The following HENMT1 variants were observed in gnomAD, a reference collection of about 807,000 sequenced individuals.
The protein encoded by HENMT1 is HEN methyltransferase 1, also known as small RNA 2'-O-methyltransferase.
Under a neutral mutation model 31.1 loss-of-function variants are expected in HENMT1, and 27 were observed. The observed-to-expected ratio is 0.87, with a 90% confidence interval of 0.64 to 1.20. The LOEUF (loss-of-function observed/expected upper bound fraction) is 1.20. Among genes scored for constraint, HENMT1 ranks in the 50% most tolerant of loss-of-function variants. HENMT1 has a pLI of 0.00. For synonymous variants in HENMT1, 167 were observed against 172.2 expected (o/e 0.97, Z 0.24); for missense variants, 438 against 469.6 (o/e 0.93, Z 0.62).
intron 5 of HENMT1, 42 bp downstream of exon 5, chr1:108,654,671 GCTT>G: frequency 6.3e-7 from 1 of 1,583,236 alleles, no homozygotes; most frequent in Non-Finnish European, 8.6e-7. Flanking sequence ...ACTTATTCAG[GCTT>G]TTCAAATGAA....
At chr1:108,658,777 A>C (rs1485956397) in intron 2 of HENMT1, among the ~76,000 whole-genome samples, 2 of 152,052 alleles carry the variant, frequency 1.3e-5, no homozygotes, top group African/African-American at 4.8e-5. Context: ...TTCTTATTGC[A>C]ACAGTCCTCA....
chr1:108,658,721 T>C (rs886593470), intron 2 of HENMT1, among the ~76,000 whole-genome samples: 3 of 152,230 alleles, frequency 2.0e-5, no homozygotes, highest in Admixed American at 6.5e-5. Context: ...CTTCTACCCC[T>C]GATATCTGAT....
rs1421734011 is a variant in HENMT1, at chr1:108,648,789, T to C, written c.959A>G (p.Glu320Gly). 1 of 1,614,170 alleles carries C rather than the reference T, an allele frequency of 6.2e-7. No individual in the cohort carries two copies. The highest frequency in any genetic ancestry group is 2.2e-5 in the East Asian group (1 of 44,888). The change falls in exon 8 of 8, where the codon GAG (glutamate) becomes GGG (glycine). Residue 320 changes from glutamate to glycine, a missense_variant. Physicochemically the swap from Glu to Gly is moderately conservative, Grantham distance 98 (BLOSUM62 -2). Coordinates refer to ENST00000651461, the MANE Select transcript of HENMT1 (RefSeq NM_001102592.2). Reference protein sequence around the residue: ...PVPCFGPVFTEVEKAKIENSP... With the variant: ...PVPCFGPVFTGVEKAKIENSP... ...GTTCTCTATCTTGGCCTTCTCAACC[T>C]CTGTGAAGACTGGTCCAAAGCATGG...
At chr1:108,650,880 ATCT>A (rs1658032455) in intron 6 of HENMT1, 147 bp downstream of exon 6, 1 of 637,684 alleles carries the variant, frequency 1.6e-6, no homozygotes, top group Non-Finnish European at 2.7e-6. Flanking sequence ...TTCCTTTGTG[ATCT>A]TATTACATAC....
intron 1 of HENMT1, among the ~76,000 whole-genome samples, chr1:108,660,209 G>C (rs1236608574): frequency 6.6e-6 from 1 of 150,880 alleles, no homozygotes; most frequent in Non-Finnish European, 1.5e-5. Context: ...GCCAATCTGT[G>C]GATTAAATGT....
At chr1:108,655,992 G>A (rs1361167599) in intron 3 of HENMT1, among the ~76,000 whole-genome samples, 1 of 151,712 alleles carries the variant, frequency 6.6e-6, no homozygotes, top group Non-Finnish European at 1.5e-5. Context: ...TGTCTATATT[G>A]AACTAATGAG....
At chr1:108,649,935 T>G (rs1657999048) in intron 7 of HENMT1, 3 of 492,520 alleles carry the variant, frequency 6.1e-6, no homozygotes, top group Non-Finnish European at 7.6e-6. Context: ...ATCACAGGTG[T>G]GAGCCACTGT....
chr1:108,656,671 G>T (rs918964136), intron 3 of HENMT1, among the ~76,000 whole-genome samples: 1 of 152,078 alleles, frequency 6.6e-6, no homozygotes, highest in African/African-American at 2.4e-5. Context: ...TAGACACAGG[G>T]TCTCACTATG....
chr1:108,655,725 A>G lies in HENMT1; in HGVS notation c.151-27T>C, dbSNP rs756574562. ...TGTAGATGAGACAGAATGTTATTTC[A>G]AAGACATTTATAGCAAGAGAAGTAT... On this transcript the variant is annotated intron_variant, in intron 3 of 7. Transcript: ENST00000651461. The G allele has an allele frequency of 4.7e-6, 7 of 1,489,756 alleles. No homozygotes were observed. The Admixed American group carries it at 9.1e-5, about 19-fold the overall frequency. 92.3% of individuals were successfully genotyped at this position (1,489,756 alleles called of 1,614,324 possible).
chr1:108,655,549 A>G, intron 4 of HENMT1, 37 bp downstream of exon 4: 2 of 1,203,112 alleles, frequency 1.7e-6, no homozygotes, highest in Non-Finnish European at 2.4e-6. Flanking sequence ...CATTAGTTTT[A>G]GATTAACGCA....
chr1:108,661,147 GC>G, upstream of HENMT1: 1 of 287,450 alleles, frequency 3.5e-6, no homozygotes, highest in Non-Finnish European at 5.2e-6. Context: ...GCCGGCGCCC[GC>G]ACCCGCGCCT....
chr1:108,657,580 C>T lies in HENMT1; in HGVS notation c.22-1G>A. On this transcript the variant is annotated splice_acceptor_variant, in intron 2 of 7. Coordinates refer to ENST00000651461, the MANE Select transcript of HENMT1 (RefSeq NM_001102592.2). LOFTEE classifies it high-confidence loss of function. ...AATTACCGTCAACCACACTACTGCA[C>T]TGAAGTTCACAAACAAAAAAAGACA... 6.2e-7 allele frequency: 1 copy of T among 1,610,390 alleles called. No individual in the cohort carries two copies. The highest frequency in any genetic ancestry group is 1.7e-4 in the Middle Eastern group (1 of 6,050).
intron 2 of HENMT1, among the ~76,000 whole-genome samples, chr1:108,658,070 TACAC>T (rs139208659): frequency 0.085 from 11,962 of 140,062 alleles, 658 homozygotes; most frequent in East Asian, 0.15. Context: ...CATATATATG[TACAC>T]ACACACACAC....
At chr1:108,657,998 CACACACACACATATATGTACACACACTT>C (rs1478713486) in intron 2 of HENMT1, among the ~76,000 whole-genome samples, 2 of 150,766 alleles carry the variant, frequency 1.3e-5, no homozygotes, top group Admixed American at 6.6e-5. Context: ...TATATACACA[CACACACACACATATATGTACACACACTT>C]ACACACACAC....
At chr1:108,650,016 A>G in intron 7 of HENMT1, 195 bp downstream of exon 7, 2 of 684,194 alleles carry the variant, frequency 2.9e-6, no homozygotes, top group Non-Finnish European at 5.4e-6. Flanking sequence ...TGAAACACCA[A>G]AAGGCCAGGC....
chr1:108,654,922 G>A, intron 4 of HENMT1, 72 bp from the exon 5 acceptor site: 1 of 1,435,490 alleles, frequency 7.0e-7, no homozygotes, highest in Non-Finnish European at 9.7e-7. Flanking sequence ...ACAGAACTCA[G>A]ATCCTCTGAT....
intron 7 of HENMT1, chr1:108,649,874 G>A (rs976941945): frequency 1.1e-5 from 4 of 376,796 alleles, no homozygotes; most frequent in African/African-American, 2.1e-5. Context: ...GGCTGCACTC[G>A]AACTCCTGGG....
chr1:108,658,133 ATT>A (rs796291842), intron 2 of HENMT1, among the ~76,000 whole-genome samples: 57 of 134,242 alleles, frequency 4.2e-4, no homozygotes, highest in African/African-American at 1.2e-3. Flanking sequence ...ATATATATAT[ATT>A]TTTTTTTTCC....
At position 108,651,084 on chromosome 1, in the gene HENMT1, G is replaced by A. The variant is rs1658039077; in HGVS notation, c.524C>T (p.Thr175Ile). 6.2e-7 allele frequency: 1 copy of A among 1,613,834 alleles called. No individual in the cohort carries two copies. Among genetic ancestry groups the A allele is most frequent in the Non-Finnish European group, 8.5e-7 (1 of 1,179,782 alleles). The change falls in exon 6 of 8, where the codon ACC becomes ATC. Residue 175 changes from threonine to isoleucine, a missense_variant. Physicochemically the swap from Thr to Ile is moderately conservative, Grantham distance 89. Transcript: ENST00000651461. ...AAATTTATGATCTGAATCTCTTAAGGTCACTGATGGAAACAGGGGATTGAA... is the reference window on the plus strand; with the variant it reads ...AAATTTATGATCTGAATCTCTTAAGATCACTGATGGAAACAGGGGATTGAA... ...SEFNPLFPSV[T>I]LRDSDHKFEW...
Sources: allele counts gnomAD v4.1 joint callset (sites outside exome capture counted in the v4.1 genomes callset), GRCh38; gene constraint gnomAD v4.1.1; transcripts MANE v1.5; gene names NCBI Gene and HGNC (gene_info 2026-07-23, HGNC 2026-07-21).